CACNA2D2: variants seen among roughly 807,000 people sequenced by gnomAD.
CACNA2D2 encodes voltage-dependent calcium channel subunit alpha-2/delta-2.
In CACNA2D2, 48 loss-of-function variants were observed where a neutral mutation model predicts 166.4. That is an observed-to-expected ratio of 0.29 (90% confidence interval 0.23 to 0.37). The LOEUF is 0.37. Ranked by LOEUF, CACNA2D2 falls within the 10% of genes least tolerant of loss-of-function variation. The pLI, the probability that CACNA2D2 is intolerant of heterozygous loss-of-function variation, is 1.00. For missense variants in CACNA2D2, 1,122 were observed against 1,433.0 expected, an observed-to-expected ratio of 0.78 and a Z score of 3.50; for synonymous variants, 561 against 573.7, an observed-to-expected ratio of 0.98 and a Z score of 0.32.
chr3:50,377,227 G>GT (rs1275764161), intron 17 of CACNA2D2, among the ~76,000 whole-genome samples: 1 of 152,212 alleles, frequency 6.6e-6, no homozygotes, highest in Non-Finnish European at 1.5e-5. Context: ...GTGCAACCGA[G>GT]TAAGAGATGG....
At chr3:50,437,182 T>C (rs1320208008) in intron 2 of CACNA2D2, among the ~76,000 whole-genome samples, 1 of 152,182 alleles carries the variant, frequency 6.6e-6, no homozygotes, top group Non-Finnish European at 1.5e-5. Context: ...CTTCCTGTTC[T>C]ATTTCTACTC....
intron 1 of CACNA2D2, among the ~76,000 whole-genome samples, chr3:50,489,109 C>T (rs993571821): frequency 6.6e-6 from 1 of 152,228 alleles, no homozygotes; most frequent in African/African-American, 2.4e-5. Flanking sequence ...CTGGATGTTC[C>T]ATCCTTACAA....
chr3:50,403,187 C>G (rs60839467), intron 3 of CACNA2D2, among the ~76,000 whole-genome samples: 1 of 152,166 alleles, frequency 6.6e-6, no homozygotes, highest in African/African-American at 2.4e-5. Context: ...GCCAGGGCCC[C>G]TCCCAGGGCT....
In CACNA2D2 at chr3:50,363,009, G is replaced by T; in HGVS notation, c.*1657C>A. ...CCCCCAGTCCCCCAGCCCAAGGTGA[G>T]GGGCAGCCAGGTCGGGTGGGTAATG... On this transcript the variant is annotated 3_prime_UTR_variant, in exon 38 of 38. Transcript: ENST00000424201. The T allele has an allele frequency of 2.5e-6, 1 of 397,660 alleles. No individual in the cohort carries two copies. The highest frequency in any genetic ancestry group is 4.4e-6 in the Non-Finnish European group (1 of 225,860). The allele number at this position is 397,660 out of a possible 1,614,324, so 24.6% of individuals were successfully genotyped here.
In CACNA2D2 at chr3:50,366,299, C is replaced by T. The variant is rs780279115; in HGVS notation, c.2677G>A (p.Val893Met). Reference sequence around the variant, plus strand: ...CACTGATGGTTCTGGTTTGACAGCACCAGGAATCCTCCATCATCAATGAGG... The same window carrying T: ...CACTGATGGTTCTGGTTTGACAGCATCAGGAATCCTCCATCATCAATGAGG... Reference protein sequence around the residue: ...CVLIDDGGFLVLSNQNHQWDQ... With the variant: ...CVLIDDGGFLMLSNQNHQWDQ... Residue 893 changes from valine (V) to methionine (M), a missense_variant, in exon 31 of 38, where the codon GTG becomes ATG. Physicochemically the swap from Val to Met is conservative, Grantham distance 21 (BLOSUM62 1). Transcript: ENST00000424201. This position sits in a 1 kb window ranked among gnomAD's most constrained non-coding sequence, Gnocchi z 5.9. The T allele has an allele frequency of 6.2e-7, 1 of 1,614,060 alleles. No homozygotes were observed. The highest frequency in any genetic ancestry group is 8.5e-7 in the Non-Finnish European group (1 of 1,180,026).
chr3:50,367,198 C>T lies in CACNA2D2; in HGVS notation c.2402-89G>A. ...GTCCTACAAACCCAGCAGTCCAATC[C>T]CGGGATGACTCCAGCCCAAGCACCC... On this transcript the variant is annotated intron_variant, in intron 27 of 37. Transcript: ENST00000424201. This position sits in a 1 kb window ranked among gnomAD's most constrained non-coding sequence, Gnocchi z 6.5. The T allele has an allele frequency of 1.8e-6, 2 of 1,108,250 alleles. No homozygotes were observed. The highest frequency in any genetic ancestry group is 2.7e-6 in the Non-Finnish European group (2 of 743,436). The allele number at this position is 1,108,250 out of a possible 1,614,324, so 68.7% of individuals were successfully genotyped here. A position where few individuals can be genotyped will look rare whatever the true frequency, so the allele number is the denominator to read the frequency against.
At chr3:50,430,408 A>G (rs1708012922) in intron 3 of CACNA2D2, among the ~76,000 whole-genome samples, 2 of 152,224 alleles carry the variant, frequency 1.3e-5, no homozygotes, top group East Asian at 3.8e-4. Flanking sequence ...GAGATTGTTC[A>G]CACTGTGGTC....
chr3:50,474,251 G>T (rs1559984393), intron 2 of CACNA2D2, among the ~76,000 whole-genome samples: 1 of 152,202 alleles, frequency 6.6e-6, no homozygotes, highest in African/African-American at 2.4e-5. Flanking sequence ...CCATGAGAAA[G>T]GAAGGGAAAT....
At chr3:50,463,342 C>G (rs1167207487) in intron 2 of CACNA2D2, among the ~76,000 whole-genome samples, 1 of 151,762 alleles carries the variant, frequency 6.6e-6, no homozygotes, top group Non-Finnish European at 1.5e-5. Context: ...CATTCTGTCA[C>G]TCAGACTGGC....
intron 1 of CACNA2D2, among the ~76,000 whole-genome samples, chr3:50,493,843 G>A (rs1380553056): frequency 6.6e-6 from 1 of 152,204 alleles, no homozygotes; most frequent in Non-Finnish European, 1.5e-5. Context: ...GAAGGCTCCT[G>A]CCCCAGGGCC....
chr3:50,377,680 T>A, intron 16 of CACNA2D2, 52 bp downstream of exon 16: 1 of 1,582,552 alleles, frequency 6.3e-7, no homozygotes, highest in East Asian at 2.2e-5. Flanking sequence ...GCTGTGGGCA[T>A]GCCCATTCCT....
intron 5 of CACNA2D2, among the ~76,000 whole-genome samples, chr3:50,386,773 CTG>C (rs1433020952): frequency 1.3e-5 from 2 of 152,250 alleles, no homozygotes; most frequent in East Asian, 3.8e-4. Flanking sequence ...AGTCTAGACA[CTG>C]TGCTGCTGTG....
chr3:50,409,009 G>A (rs1290217472), intron 3 of CACNA2D2, among the ~76,000 whole-genome samples: 1 of 152,212 alleles, frequency 6.6e-6, no homozygotes, highest in Non-Finnish European at 1.5e-5. Context: ...AATCCCAGCT[G>A]GCTTAGCCCC....
chr3:50,446,549 TC>T (rs1354080740), intron 2 of CACNA2D2, among the ~76,000 whole-genome samples: 1 of 152,152 alleles, frequency 6.6e-6, no homozygotes, highest in Non-Finnish European at 1.5e-5. Flanking sequence ...GGGAAGCCAC[TC>T]TGACTGCCCC....
chr3:50,370,498 C>A, intron 22 of CACNA2D2, 118 bp from the exon 23 acceptor site: 1 of 643,042 alleles, frequency 1.6e-6, no homozygotes, highest in Non-Finnish European at 2.9e-6. Context: ...GGGGAGACAC[C>A]AGCAAAGAGG....
chr3:50,364,814 G>A lies in CACNA2D2; in HGVS notation c.3292-8C>T, dbSNP rs914125444. The A allele has an allele frequency of 1.2e-6, 2 of 1,612,634 alleles. No homozygotes were observed. Among genetic ancestry groups the A allele is most frequent in the East Asian group, 2.2e-5 (1 of 44,848 alleles). On this transcript the variant is annotated splice_polypyrimidine_tract_variant and splice_region_variant and intron_variant, in intron 37 of 37. Coordinates refer to ENST00000424201, the MANE Select transcript of CACNA2D2 (RefSeq NM_006030.4). ...ACAGTCTGAGGTATCTTCCTGCGGG[G>A]AGAGACAAGGAGCTGGTCGGCCTGG... is the stretch of plus-strand genomic sequence containing the variant.
intron 2 of CACNA2D2, among the ~76,000 whole-genome samples, chr3:50,452,276 C>A (rs542905580): frequency 6.6e-6 from 1 of 152,338 alleles, no homozygotes; most frequent in African/African-American, 2.4e-5. Flanking sequence ...CCCAACCCTG[C>A]GTCCTTCACC....
rs971453534 is a variant in CACNA2D2 at position 50,372,774 on chromosome 3, G to T, written c.1984+1963C>A. On this transcript the variant is annotated intron_variant, in intron 22 of 37. Transcript: ENST00000424201. ...GTTGTCTTAGAGGGACAGAGAAGGT[G>T]GGGGAGGCAGGGGCCTCCCCAGAGA... Among the ~76,000 whole-genome samples, 6 of 152,292 alleles carry T rather than the reference G, an allele frequency of 3.9e-5. No homozygotes were observed. The South Asian group carries it at 1.2e-3, about 32-fold the overall frequency.
chr3:50,379,105 C>G lies in CACNA2D2; in HGVS notation c.1247G>C (p.Trp416Ser), dbSNP rs760138686. 6.2e-7 allele frequency: 1 copy of G among 1,613,728 alleles called. No homozygotes were observed. Among genetic ancestry groups the G allele is most frequent in the African/African-American group, 1.3e-5 (1 of 74,940 alleles). The change falls in exon 12 of 38, where the codon TGG becomes TCG. Residue 416 changes from tryptophan to serine, a missense_variant. Physicochemically the swap from Trp to Ser is radical, Grantham distance 177. Around this residue, in one of 2 missense-constraint regions of CACNA2D2, gnomAD observed 840 missense variants for 1,166.8 expected, o/e 0.72. Transcript: ENST00000424201. This position sits in a 1 kb window ranked among gnomAD's most constrained non-coding sequence, Gnocchi z 6.5. ...GTTGAGCCTCACCGTCCGGTTTGGC[C>G]AATTGTACTTCTCAAAGACGTCCTG... ...RVQDVFEKYN[W>S]PNRTVRVFTF... is the part of the protein sequence containing the mutation.
Sources: gnomAD v4.1 joint callset for allele counts (sites outside exome capture counted in the v4.1 genomes callset) on GRCh38, gnomAD v4.1.1 for gene constraint, gnomAD v4.1.1 regional missense constraint, Gnocchi (gnomAD v3.1) non-coding constraint, MANE v1.5 for transcripts, NCBI Gene and HGNC (gene_info 2026-07-23, HGNC 2026-07-21) for gene names.